The following SLC41A2 variants were observed in gnomAD, a reference collection of about 807,000 sequenced individuals.
SLC41A2 encodes the protein SLC41A1-like 1.
A neutral mutation model predicts 58.3 loss-of-function variants in SLC41A2; 32 were observed. That is an observed-to-expected ratio of 0.55 (90% CI 0.41 to 0.74). SLC41A2 has a LOEUF of 0.74. SLC41A2 is among the 30% of genes least tolerant of loss of function. The probability of loss-of-function intolerance (pLI) is 0.00; values close to 1 mark genes in which losing one functional copy is unlikely to be tolerated. For missense variants in SLC41A2, 514 were observed against 680.6 expected, an observed-to-expected ratio of 0.76 and a Z score of 2.72; for synonymous variants, 190 against 235.0, an observed-to-expected ratio of 0.81 and a Z score of 1.75.
chr12:104,948,309 G>T (rs577487009), intron 1 of SLC41A2, among the ~76,000 whole-genome samples: 1 of 152,196 alleles, frequency 6.6e-6, no homozygotes, highest in Non-Finnish European at 1.5e-5. Flanking sequence ...CCAGGAATAT[G>T]AATAGCTTAT....
In SLC41A2 at chr12:104,895,303, G is replaced by C; in HGVS notation, c.706C>G (p.Leu236Val). The change falls in exon 4 of 11, where the codon CTA becomes GTA. Residue 236 changes from leucine (L) to valine (V), a missense_variant. Leu to Val is a conservative substitution (Grantham distance 32, BLOSUM62 1). Coordinates refer to ENST00000258538, the MANE Select transcript of SLC41A2 (RefSeq NM_001352171.3). ...TTTAAAGCCAAGTTGCCAATTATTA[G>C]GTTCCACTTTTCAATGGGTGAATCC... ...KMDSPIEKWN[L>V]IIGNLALKQV... The C allele has an allele frequency of 6.2e-7, 1 of 1,613,146 alleles. No homozygotes were observed. Among genetic ancestry groups the C allele is most frequent in the Non-Finnish European group, 8.5e-7 (1 of 1,179,458 alleles).
rs1212913720 is a variant in SLC41A2 at position 104,861,371 on chromosome 12, C to T, written c.1176-1G>A. ...TGTGTCCAGAATAAGGCCCCCAATGCTGAAAGAGATAAAATTATATAATTT... is the reference window on the plus strand; with the variant it reads ...TGTGTCCAGAATAAGGCCCCCAATGTTGAAAGAGATAAAATTATATAATTT... On this transcript the variant is annotated splice_acceptor_variant, in intron 7 of 10. Transcript: ENST00000258538. LOFTEE classifies it high-confidence loss of function. The T allele has an allele frequency of 1.2e-6, 2 of 1,608,854 alleles. No homozygotes were observed. Among genetic ancestry groups the T allele is most frequent in the Non-Finnish European group, 1.7e-6 (2 of 1,176,094 alleles).
At chr12:104,895,811 G>A (rs971690791) in intron 3 of SLC41A2, among the ~76,000 whole-genome samples, 11 of 152,004 alleles carry the variant, frequency 7.2e-5, no homozygotes, top group Admixed American at 6.5e-4. Flanking sequence ...TTTGAGTCAC[G>A]ACTAAAACTG....
chr12:104,885,593 A>G (rs1275173606), intron 6 of SLC41A2, among the ~76,000 whole-genome samples: 3 of 152,162 alleles, frequency 2.0e-5, no homozygotes, highest in Non-Finnish European at 4.4e-5. Context: ...TTTGGCATCT[A>G]AAAATAATAA....
intron 10 of SLC41A2, among the ~76,000 whole-genome samples, chr12:104,827,087 G>T (rs1222738066): frequency 1.3e-5 from 2 of 152,178 alleles, no homozygotes; most frequent in South Asian, 2.1e-4. Flanking sequence ...ATACTAAGTT[G>T]TCCATGATCG....
At chr12:104,955,322 C>T (rs539299382) in intron 1 of SLC41A2, among the ~76,000 whole-genome samples, 4 of 152,182 alleles carry the variant, frequency 2.6e-5, no homozygotes, top group African/African-American at 9.6e-5. Flanking sequence ...AGCTGGCCCT[C>T]GCTTTCTGAT....
chr12:104,920,696 A>T (rs2046554629), intron 2 of SLC41A2, among the ~76,000 whole-genome samples: 1 of 151,998 alleles, frequency 6.6e-6, no homozygotes, highest in Admixed American at 6.6e-5. Context: ...AGGCCGAGGC[A>T]GGCGGATCAC....
chr12:104,824,136 C>T (rs983639863), intron 10 of SLC41A2, among the ~76,000 whole-genome samples: 3 of 152,130 alleles, frequency 2.0e-5, no homozygotes, highest in African/African-American at 4.8e-5. Context: ...GCTCCACCCC[C>T]GGGCCTGTGC....
Position 104,817,208 on chromosome 12 carries a change from T to C in SLC41A2, c.1537-11871A>G, listed in dbSNP as rs182266255. On this transcript the variant is annotated intron_variant, in intron 10 of 10. Transcript: ENST00000258538. ...CTAAACACAGAAAAGTTGCAGTAAA[T>C]ATACAGTATAAAAGATAAAAAATGG... 6.6e-3 allele frequency among the ~76,000 whole-genome samples: 1,007 copies of C among 152,210 alleles called. 2 individuals carry two copies. The highest frequency in any genetic ancestry group is 0.011 in the Non-Finnish European group (778 of 67,986).
At chr12:104,837,266 G>A (rs377425651) in intron 10 of SLC41A2, among the ~76,000 whole-genome samples, 3 of 152,104 alleles carry the variant, frequency 2.0e-5, no homozygotes, top group Non-Finnish European at 2.9e-5. Context: ...TGACCATGAC[G>A]GTCAGGATTT....
rs1432343518 is a variant in SLC41A2 at position 104,893,084 on chromosome 12, AT to A, written c.735+2189del. Among the ~76,000 whole-genome samples the A allele has an allele frequency of 7.2e-5, 11 of 152,344 alleles. No homozygotes were observed. In the East Asian group the frequency reaches 1.9e-3, roughly 27 times the overall value. On this transcript the variant is annotated intron_variant, in intron 4 of 10. Coordinates refer to ENST00000258538, the MANE Select transcript of SLC41A2 (RefSeq NM_001352171.3). ...GAGACAACCCACAGAATGGGAGAAA[AT>A]ATTTGCAAACTACCCATCTGGCAAA...
intron 10 of SLC41A2, among the ~76,000 whole-genome samples, chr12:104,823,721 G>A (rs1009928540): frequency 6.6e-6 from 1 of 152,050 alleles, no homozygotes; most frequent in African/African-American, 2.4e-5. Context: ...GATTTCTTAG[G>A]ATATGAAAAG....
intron 6 of SLC41A2, among the ~76,000 whole-genome samples, chr12:104,886,012 T>C (rs542667837): frequency 2.6e-5 from 4 of 152,240 alleles, no homozygotes; most frequent in East Asian, 3.9e-4. Flanking sequence ...CTAGTAGTTA[T>C]ATAAACTTGG....
At chr12:104,833,783 TGTTG>T (rs1404430052) in intron 10 of SLC41A2, among the ~76,000 whole-genome samples, 9 of 139,094 alleles carry the variant, frequency 6.5e-5, no homozygotes, top group African/African-American at 2.5e-4. Context: ...GTCAGTGTTT[TGTTG>T]TTTTTTTTTT....
At chr12:104,916,882 C>G (rs1317919106) in intron 2 of SLC41A2, among the ~76,000 whole-genome samples, 4 of 151,570 alleles carry the variant, frequency 2.6e-5, no homozygotes, top group Non-Finnish European at 5.9e-5. Flanking sequence ...TAGAAGAAAA[C>G]CTAGGCATTA....
At chr12:104,945,801 C>T (rs2047697014) in intron 1 of SLC41A2, among the ~76,000 whole-genome samples, 1 of 152,146 alleles carries the variant, frequency 6.6e-6, no homozygotes, top group Admixed American at 6.5e-5. Context: ...CAGAATTCTG[C>T]TGTACTCCAT....
At position 104,884,081 on chromosome 12, in the gene SLC41A2, C is replaced by T. The variant is rs1329931607; in HGVS notation, c.1027+2212G>A. On this transcript the variant is annotated intron_variant, in intron 6 of 10. Transcript: ENST00000258538. The stretch of plus-strand genomic sequence containing the variant: ...CCCTCCCCCAGCCTCGCTGCCACCT[C>T]GCAGTTCCATCTCAGACTGCTGTGC... 3.3e-5 allele frequency among the ~76,000 whole-genome samples: 5 copies of T among 152,326 alleles called. No homozygotes were observed. In the South Asian group the frequency reaches 6.2e-4, roughly 19 times the overall value.
At chr12:104,827,682 C>T (rs970370371) in intron 10 of SLC41A2, among the ~76,000 whole-genome samples, 10 of 152,248 alleles carry the variant, frequency 6.6e-5, no homozygotes, top group Admixed American at 2.6e-4. Flanking sequence ...AAACTCCAAA[C>T]GGTCAGGCAA....
intron 2 of SLC41A2, among the ~76,000 whole-genome samples, chr12:104,922,092 G>A (rs1184244498): frequency 6.6e-6 from 1 of 152,052 alleles, no homozygotes; most frequent in Admixed American, 6.5e-5. Flanking sequence ...ACGAATCACA[G>A]AGGAAGACAG....
Sources: gnomAD v4.1 joint callset for allele counts (sites outside exome capture counted in the v4.1 genomes callset) on GRCh38, gnomAD v4.1.1 for gene constraint, MANE v1.5 for transcripts, NCBI Gene and HGNC (gene_info 2026-07-23, HGNC 2026-07-21) for gene names.